The following RGS6 variants were observed in gnomAD, a reference collection of about 807,000 sequenced individuals.
RGS6 encodes the protein regulator of G protein signaling 6.
RGS6 carries 30 observed loss-of-function variants against 78.5 expected under a neutral mutation model. The observed-to-expected ratio is 0.38, with a 90% CI of 0.29 to 0.52. The LOEUF is 0.52. RGS6 is among the 20% of genes least tolerant of loss of function. The probability of loss-of-function intolerance (pLI) is 0.85; values close to 1 mark genes in which losing one functional copy is unlikely to be tolerated. For synonymous variants in RGS6, 206 were observed against 206.0 expected, an observed-to-expected ratio of 1.00 and a Z score of 0.00; for missense variants, 495 against 609.7, an observed-to-expected ratio of 0.81 and a Z score of 1.98.
chr14:72,610,518 C>T, the RGS6 span, among the ~76,000 whole-genome samples: 1 of 152,256 alleles, frequency 6.6e-6, no homozygotes, highest in South Asian at 2.1e-4. Flanking sequence ...AGCAGAGATG[C>T]TCCATGTCTT....
chr14:72,141,842 A>G (rs1020189255), intron 2 of RGS6, among the ~76,000 whole-genome samples: 1 of 151,770 alleles, frequency 6.6e-6, no homozygotes, highest in African/African-American at 2.4e-5. Flanking sequence ...TTGGGTAGCC[A>G]TGTTCCTTAT....
intron 12 of RGS6, among the ~76,000 whole-genome samples, chr14:72,481,385 G>A (rs1598154725): frequency 1.3e-5 from 2 of 152,182 alleles, no homozygotes; most frequent in Non-Finnish European, 2.9e-5. Context: ...AGGCCAAGGA[G>A]GGAGGCTGCT....
At chr14:71,983,939 C>T (rs562660068) in intron 2 of RGS6, among the ~76,000 whole-genome samples, 1 of 152,300 alleles carries the variant, frequency 6.6e-6, no homozygotes, top group South Asian at 2.1e-4. Flanking sequence ...ACTTATTGAG[C>T]TGTTGCTTCT....
At chr14:72,360,302 A>T (rs2081194535) in intron 3 of RGS6, among the ~76,000 whole-genome samples, 1 of 152,086 alleles carries the variant, frequency 6.6e-6, no homozygotes, top group South Asian at 2.1e-4. Context: ...TAGGCAGATC[A>T]CAAGGTCAGG....
intron 2 of RGS6, among the ~76,000 whole-genome samples, chr14:72,330,996 A>G (rs1337970850): frequency 6.6e-6 from 1 of 152,152 alleles, no homozygotes; most frequent in African/African-American, 2.4e-5. Context: ...GACAACATAG[A>G]CAGAGCATCT....
the RGS6 span, among the ~76,000 whole-genome samples, chr14:71,895,387 A>C: frequency 6.6e-6 from 1 of 151,600 alleles, no homozygotes; most frequent in Non-Finnish European, 1.5e-5. Flanking sequence ...GGGTTTCACC[A>C]TGTTGGCCAG....
chr14:72,453,028 C>T (rs753926816), intron 3 of RGS6, among the ~76,000 whole-genome samples: 1 of 152,276 alleles, frequency 6.6e-6, no homozygotes, highest in East Asian at 1.9e-4. Flanking sequence ...GGGAGGACGT[C>T]GCTGGTATGC....
At chr14:72,518,080 G>C (rs146781246) in intron 14 of RGS6, among the ~76,000 whole-genome samples, 373 of 152,346 alleles carry the variant, frequency 2.4e-3, no homozygotes, top group African/African-American at 8.4e-3. Context: ...TGCTGAGGTT[G>C]AGAAACCTTC....
chr14:72,171,972 G>A (rs1268124309), intron 2 of RGS6, among the ~76,000 whole-genome samples: 1 of 152,114 alleles, frequency 6.6e-6, no homozygotes, highest in Non-Finnish European at 1.5e-5. Context: ...TAACCACACT[G>A]CTCTCCTGCA....
chr14:72,034,940 A>G (rs1199744540), intron 2 of RGS6, among the ~76,000 whole-genome samples: 1 of 152,210 alleles, frequency 6.6e-6, no homozygotes, highest in Non-Finnish European at 1.5e-5. Flanking sequence ...AAAATTGCGG[A>G]AATAAACAAT....
intron 2 of RGS6, among the ~76,000 whole-genome samples, chr14:71,970,856 C>T (rs1182807236): frequency 6.6e-6 from 1 of 152,014 alleles, no homozygotes; most frequent in African/African-American, 2.4e-5. Context: ...TAGTCCATCC[C>T]AGGAGAGGGG....
chr14:72,387,896 C>T (rs1596583831), intron 3 of RGS6, among the ~76,000 whole-genome samples: 1 of 152,158 alleles, frequency 6.6e-6, no homozygotes, highest in Non-Finnish European at 1.5e-5. Context: ...TTGTAGATGG[C>T]CGCCTTCTCA....
the RGS6 span, among the ~76,000 whole-genome samples, chr14:71,896,690 T>C: frequency 9.2e-5 from 14 of 152,278 alleles, no homozygotes; most frequent in East Asian, 2.7e-3. Flanking sequence ...CTTGAACTCA[T>C]TGAAGTCTAC....
chr14:72,162,590 G>T (rs2096867765), intron 2 of RGS6, among the ~76,000 whole-genome samples: 1 of 152,158 alleles, frequency 6.6e-6, no homozygotes, highest in Non-Finnish European at 1.5e-5. Context: ...ATTGAGCTTT[G>T]CTATTTCGTA....
At chr14:72,457,868 T>A (rs908325908) in intron 4 of RGS6, among the ~76,000 whole-genome samples, 4 of 152,336 alleles carry the variant, frequency 2.6e-5, no homozygotes, top group African/African-American at 9.6e-5. Context: ...CTGCTGGGGA[T>A]GATGAAACTG....
At chr14:72,054,730 A>T (rs866077966) in intron 2 of RGS6, among the ~76,000 whole-genome samples, 5 of 152,104 alleles carry the variant, frequency 3.3e-5, no homozygotes, top group African/African-American at 1.2e-4. Context: ...TCACCTCCCC[A>T]TCCCTCTGCC....
chr14:72,574,060 T>C, the RGS6 span, among the ~76,000 whole-genome samples: 1 of 152,154 alleles, frequency 6.6e-6, no homozygotes, highest in Non-Finnish European at 1.5e-5. Context: ...CTATTAGCTA[T>C]CCAGACATGC....
At chr14:72,086,697 C>G (rs2095053894) in intron 2 of RGS6, among the ~76,000 whole-genome samples, 1 of 152,166 alleles carries the variant, frequency 6.6e-6, no homozygotes. Flanking sequence ...AATCTACATC[C>G]AAAATGCTGA....
intron 2 of RGS6, among the ~76,000 whole-genome samples, chr14:72,090,779 T>A (rs931577475): frequency 1.3e-5 from 2 of 151,820 alleles, no homozygotes; most frequent in African/African-American, 4.8e-5. Context: ...AGCCAGGGAG[T>A]GTTACTAGGG....
Sources: allele counts gnomAD v4.1 joint callset (sites outside exome capture counted in the v4.1 genomes callset), GRCh38; gene constraint gnomAD v4.1.1; transcripts MANE v1.5; gene names NCBI Gene and HGNC (gene_info 2026-07-23, HGNC 2026-07-21).